Variants in ZNRF2 observed in about 807,000 individuals in gnomAD.
ZNRF2 encodes zinc and ring finger 2.
ZNRF2 carries 16 observed loss-of-function variants against 20.4 expected under a neutral mutation model. The observed-to-expected ratio is 0.79, with a 90% confidence interval of 0.53 to 1.19. The LOEUF (loss-of-function observed/expected upper bound fraction) is 1.19. Among genes scored for constraint, ZNRF2 ranks in the 50% most tolerant of loss-of-function variants. ZNRF2 has a pLI of 0.00. For missense variants in ZNRF2, 363 were observed against 332.4 expected, an observed-to-expected ratio of 1.09 and a Z score of -0.72; for synonymous variants, 178 against 144.9, an observed-to-expected ratio of 1.23 and a Z score of -1.64.
chr7:30,364,631 G>T (rs367796838), intron 4 of ZNRF2, among the ~76,000 whole-genome samples: 38 of 152,232 alleles, frequency 2.5e-4, no homozygotes, highest in African/African-American at 9.1e-4. Context: ...CCTTATGTTT[G>T]AGACAAAACG....
chr7:30,356,391 CAG>C (rs1491209588), intron 3 of ZNRF2, among the ~76,000 whole-genome samples: 2 of 151,436 alleles, frequency 1.3e-5, no homozygotes, highest in African/African-American at 4.9e-5. Flanking sequence ...TTAGAGAAAA[CAG>C]AGGAAATAAA....
chr7:30,312,933 A>C lies in ZNRF2; in HGVS notation c.470-10709A>C, dbSNP rs77078437. Among the ~76,000 whole-genome samples, 1,476 of 152,330 alleles carry C rather than the reference A, an allele frequency of 9.7e-3. 25 individuals carry two copies. Among genetic ancestry groups the C allele is most frequent in the African/African-American group, 0.033 (1,376 of 41,568 alleles). On this transcript the variant is annotated intron_variant, in intron 1 of 4. Coordinates refer to ENST00000323037, the MANE Select transcript of ZNRF2 (RefSeq NM_147128.4). ...AGTAAATAGCTTTGGGAATAGCTAA[A>C]ACATGATAAAACAACAAATGTAGGA...
intron 4 of ZNRF2, among the ~76,000 whole-genome samples, chr7:30,363,893 T>C (rs1255264457): frequency 6.6e-6 from 1 of 152,212 alleles, no homozygotes; most frequent in Non-Finnish European, 1.5e-5. Flanking sequence ...TATAAAGCAT[T>C]GGATTGTTAT....
chr7:30,334,968 A>C (rs1799694301), intron 2 of ZNRF2, among the ~76,000 whole-genome samples: 1 of 152,130 alleles, frequency 6.6e-6, no homozygotes, highest in East Asian at 1.9e-4. Flanking sequence ...ACATGGATAA[A>C]TGTATTTATG....
chr7:30,331,042 C>T (rs1390312081), intron 2 of ZNRF2, among the ~76,000 whole-genome samples: 1 of 152,128 alleles, frequency 6.6e-6, no homozygotes, highest in African/African-American at 2.4e-5. Flanking sequence ...TGACTGTTCT[C>T]CATGGAGTGA....
At chr7:30,339,557 A>G (rs925344937) in intron 2 of ZNRF2, among the ~76,000 whole-genome samples, 12 of 152,148 alleles carry the variant, frequency 7.9e-5, no homozygotes, top group Non-Finnish European at 1.6e-4. Context: ...CAGGTTTGTC[A>G]AAGATCAGAT....
At chr7:30,365,989 T>TA (rs1429813607) in intron 4 of ZNRF2, 46 bp from the exon 5 acceptor site, 1 of 152,162 alleles carries the variant, frequency 6.6e-6, no homozygotes, top group African/African-American at 2.4e-5. Context: ...TATGAAGACT[T>TA]ACAGTAACTA....
At chr7:30,291,823 A>G (rs942342953) in intron 1 of ZNRF2, among the ~76,000 whole-genome samples, 2 of 152,228 alleles carry the variant, frequency 1.3e-5, no homozygotes, top group Non-Finnish European at 2.9e-5. Flanking sequence ...AGGGATGAAT[A>G]TAGATTGACG....
At chr7:30,327,155 T>C (rs1000545299) in intron 2 of ZNRF2, among the ~76,000 whole-genome samples, 1 of 152,320 alleles carries the variant, frequency 6.6e-6, no homozygotes, top group Non-Finnish European at 1.5e-5. Context: ...CATTTGTCAA[T>C]TTTTGGTTTT....
chr7:30,320,585 G>T (rs1799453754), intron 1 of ZNRF2, among the ~76,000 whole-genome samples: 1 of 152,076 alleles, frequency 6.6e-6, no homozygotes, highest in East Asian at 1.9e-4. Flanking sequence ...ATGAAACTCG[G>T]TGGTGCTGAG....
At chr7:30,346,059 C>G (rs56124032) in intron 2 of ZNRF2, among the ~76,000 whole-genome samples, 1 of 148,438 alleles carries the variant, frequency 6.7e-6, no homozygotes, top group South Asian at 2.1e-4. Context: ...AGTATAGTTT[C>G]TGAGCTATTA....
chr7:30,353,617 A>G (rs1261947086), intron 2 of ZNRF2, among the ~76,000 whole-genome samples: 5 of 152,280 alleles, frequency 3.3e-5, no homozygotes, highest in South Asian at 2.1e-4. Flanking sequence ...TTGTTGTACT[A>G]TAAATTTTCT....
intron 3 of ZNRF2, among the ~76,000 whole-genome samples, chr7:30,359,007 G>T (rs1258629105): frequency 6.6e-6 from 1 of 152,106 alleles, no homozygotes; most frequent in African/African-American, 2.4e-5. Flanking sequence ...AAATTGATTT[G>T]CCAGAGACGA....
At chr7:30,306,541 A>G (rs559964561) in intron 1 of ZNRF2, among the ~76,000 whole-genome samples, 21 of 152,280 alleles carry the variant, frequency 1.4e-4, no homozygotes, top group Middle Eastern at 6.8e-3. Context: ...TATCAACCAT[A>G]CCAGCAAATG....
intron 2 of ZNRF2, among the ~76,000 whole-genome samples, chr7:30,349,640 T>C (rs1237564556): frequency 6.6e-6 from 1 of 152,030 alleles, no homozygotes; most frequent in Admixed American, 6.6e-5. Context: ...TTATTGCCAC[T>C]ATGAGCCTAC....
intron 1 of ZNRF2, among the ~76,000 whole-genome samples, chr7:30,320,082 C>T (rs1349898780): frequency 6.6e-6 from 1 of 151,960 alleles, no homozygotes; most frequent in Non-Finnish European, 1.5e-5. Context: ...TGTTTTGATT[C>T]ATCTGTTGGT....
chr7:30,340,271 C>G (rs559822931), intron 2 of ZNRF2, among the ~76,000 whole-genome samples: 4 of 152,192 alleles, frequency 2.6e-5, no homozygotes, highest in Non-Finnish European at 4.4e-5. Flanking sequence ...TTGGCCAGAA[C>G]TTCCAATACT....
chr7:30,358,585 G>T (rs1800075710), intron 3 of ZNRF2, among the ~76,000 whole-genome samples: 2 of 152,188 alleles, frequency 1.3e-5, no homozygotes, highest in Non-Finnish European at 2.9e-5. Context: ...GAACCAATGA[G>T]TGAAGGGCCA....
intron 4 of ZNRF2, among the ~76,000 whole-genome samples, chr7:30,363,419 C>G (rs1216607982): frequency 6.6e-6 from 1 of 152,194 alleles, no homozygotes; most frequent in African/African-American, 2.4e-5. Flanking sequence ...AGAAACTTGA[C>G]TTTTCAAGTT....
Sources: gnomAD v4.1 joint callset for allele counts (sites outside exome capture counted in the v4.1 genomes callset) on GRCh38, gnomAD v4.1.1 for gene constraint, MANE v1.5 for transcripts, NCBI Gene and HGNC (gene_info 2026-07-23, HGNC 2026-07-21) for gene names.